Variants in CRNKL1 observed in about 807,000 individuals in gnomAD.
CRNKL1 encodes the protein crooked neck pre-mRNA splicing factor 1.
A neutral mutation model predicts 103.7 loss-of-function variants in CRNKL1; 35 were observed. The ratio of observed to expected loss-of-function variants is 0.34; its 90% CI spans 0.26 to 0.45. CRNKL1 has a LOEUF of 0.45. Among genes scored for constraint, CRNKL1 ranks in the 20% least tolerant of loss-of-function variants. The pLI is 1.00. For synonymous variants in CRNKL1, 267 were observed against 282.6 expected, an observed-to-expected ratio of 0.94 and a Z score of 0.55; for missense variants, 645 against 836.0, an observed-to-expected ratio of 0.77 and a Z score of 2.82.
intron 4 of CRNKL1, 146 bp downstream of exon 4, chr20:20,048,197 T>C: frequency 1.0e-6 from 1 of 993,674 alleles, no homozygotes; most frequent in Non-Finnish European, 1.5e-6. Flanking sequence ...GATTATGACT[T>C]AATAGACTAT....
upstream of CRNKL1, among the ~76,000 whole-genome samples, chr20:20,054,774 AG>A (rs1424390768): frequency 6.6e-6 from 1 of 152,222 alleles, no homozygotes; most frequent in Non-Finnish European, 1.5e-5. Flanking sequence ...TTTTATAGAC[AG>A]TCTGTCTTTT....
chr20:20,038,199 T>G, intron 12 of CRNKL1, 150 bp downstream of exon 12: 1 of 592,324 alleles, frequency 1.7e-6, no homozygotes, highest in Non-Finnish European at 3.0e-6. Flanking sequence ...TCCAAAGTCC[T>G]CTGAGACTCA....
chr20:20,038,998 G>A (rs2043467921), intron 11 of CRNKL1, among the ~76,000 whole-genome samples: 1 of 152,222 alleles, frequency 6.6e-6, no homozygotes, highest in African/African-American at 2.4e-5. Context: ...TGAACTCAGT[G>A]ATACCCAAAG....
chr20:20,051,752 TTTAA>T (rs370052730), intron 1 of CRNKL1, among the ~76,000 whole-genome samples: 534 of 152,278 alleles, frequency 3.5e-3, no homozygotes, highest in African/African-American at 0.012. Context: ...AAGTCTACTG[TTTAA>T]TTAACTTATG....
chr20:20,053,962 A>G (rs1406956956), upstream of CRNKL1, among the ~76,000 whole-genome samples: 1 of 120,538 alleles, frequency 8.3e-6, no homozygotes, highest in Non-Finnish European at 1.7e-5. Context: ...TCTCTCTTAC[A>G]TTTCTGTTGT....
upstream of CRNKL1, chr20:20,052,480 T>C (rs2043796024): frequency 6.2e-7 from 1 of 1,614,226 alleles, no homozygotes; most frequent in Non-Finnish European, 8.5e-7. Context: ...AGGACTGACC[T>C]TTGACCTCTC....
chr20:20,039,544 TG>T (rs1377952655), intron 11 of CRNKL1, 64 bp downstream of exon 11: 17 of 1,574,484 alleles, frequency 1.1e-5, no homozygotes, highest in Non-Finnish European at 1.4e-5. Context: ...CACATTTAGA[TG>T]GTCATCTAAA....
At chr20:20,052,943 T>G (rs1382760699), upstream of CRNKL1, among the ~76,000 whole-genome samples, 1 of 152,162 alleles carries the variant, frequency 6.6e-6, no homozygotes, top group East Asian at 1.9e-4. Context: ...CCCAAATAAT[T>G]AACTCTAAGG....
chr20:20,043,360 T>C (rs115116810), intron 7 of CRNKL1, 132 bp downstream of exon 7: 103 of 868,574 alleles, frequency 1.2e-4, no homozygotes, highest in Non-Finnish European at 1.6e-4. Flanking sequence ...TAGCTGCCAA[T>C]TGGATCACGG....
At chr20:20,051,539 T>C (rs1360310810) in intron 1 of CRNKL1, among the ~76,000 whole-genome samples, 1 of 152,218 alleles carries the variant, frequency 6.6e-6, no homozygotes, top group Non-Finnish European at 1.5e-5. Flanking sequence ...TCATATTTAA[T>C]AAGCACTAAG....
intron 6 of CRNKL1, among the ~76,000 whole-genome samples, chr20:20,044,314 C>G (rs1002010392): frequency 6.6e-6 from 1 of 152,152 alleles, no homozygotes; most frequent in East Asian, 1.9e-4. Context: ...CCCACTGGCC[C>G]GAACAGAATC....
rs193225692 is a variant in CRNKL1, at chr20:20,036,419, G to C, written c.1897-57C>G. 2.0e-4 allele frequency: 304 copies of C among 1,522,936 alleles called. 1 individual carries two copies. The highest frequency in any genetic ancestry group is 5.2e-4 in the Middle Eastern group (3 of 5,750). The allele number at this position is 1,522,936 out of a possible 1,614,324, so 94.3% of individuals were successfully genotyped here. On this transcript the variant is annotated intron_variant, in intron 13 of 13. Coordinates refer to ENST00000536226, the MANE Select transcript of CRNKL1 (RefSeq NM_001278628.2). ...ACGTGGGTGATATACTCACATATCA[G>C]AGTGAAGAATTTTTACTGGAAATCC... is the stretch of plus-strand genomic sequence containing the variant.
At chr20:20,039,886 G>T in intron 10 of CRNKL1, 38 bp from the exon 11 acceptor site, 1 of 1,605,604 alleles carries the variant, frequency 6.2e-7, no homozygotes. Flanking sequence ...TGATACTGTA[G>T]TGGATTTAAT....
In CRNKL1 at chr20:20,036,154, A is replaced by T; in HGVS notation, c.*41T>A. 1 of 1,592,876 alleles carries T rather than the reference A, an allele frequency of 6.3e-7. No homozygotes were observed. On this transcript the variant is annotated 3_prime_UTR_variant, in exon 14 of 14. Transcript: ENST00000536226. Reference sequence around the variant, plus strand: ...GGAGTCACAAGAGTTCCAAACAATTAATTTATAAAAATAACAAAACATTTG... The same window carrying T: ...GGAGTCACAAGAGTTCCAAACAATTTATTTATAAAAATAACAAAACATTTG...
Position 20,042,312 on chromosome 20 carries a change from T to C in CRNKL1, c.1164+13A>G. The C allele has an allele frequency of 2.5e-6, 4 of 1,578,228 alleles. No individual in the cohort carries two copies. Among genetic ancestry groups the C allele is most frequent in the Non-Finnish European group, 3.4e-6 (4 of 1,161,554 alleles). ...AAACCATTATCAGCTGACACATAAT[T>C]CTGTTTTTTCACCTTTGCCTCCAAT... On this transcript the variant is annotated intron_variant, in intron 8 of 13. Coordinates refer to ENST00000536226, the MANE Select transcript of CRNKL1 (RefSeq NM_001278628.2).
chr20:20,050,731 T>G, intron 1 of CRNKL1, 109 bp from the exon 2 acceptor site: 1 of 936,084 alleles, frequency 1.1e-6, no homozygotes, highest in Non-Finnish European at 1.5e-6. Context: ...TATCACAAGA[T>G]GCCCTTTTTG....
chr20:20,054,465 T>C (rs2044123055), upstream of CRNKL1, among the ~76,000 whole-genome samples: 1 of 152,142 alleles, frequency 6.6e-6, no homozygotes, highest in Non-Finnish European at 1.5e-5. Flanking sequence ...CATTAAACTT[T>C]ATATGTAGTT....
chr20:20,053,030 A>C (rs570457562), upstream of CRNKL1, among the ~76,000 whole-genome samples: 6 of 152,270 alleles, frequency 3.9e-5, no homozygotes, highest in South Asian at 1.2e-3. Context: ...CTGGAAAACA[A>C]CTCAGTCTTG....
chr20:20,055,436 C>A (rs2044235218), upstream of CRNKL1, among the ~76,000 whole-genome samples: 1 of 152,090 alleles, frequency 6.6e-6, no homozygotes, highest in African/African-American at 2.4e-5. Flanking sequence ...CCCTCACTTA[C>A]CGAGGGGCCC....
Sources: gnomAD v4.1 joint callset for allele counts (sites outside exome capture counted in the v4.1 genomes callset) on GRCh38, gnomAD v4.1.1 for gene constraint, MANE v1.5 for transcripts, NCBI Gene and HGNC (gene_info 2026-07-23, HGNC 2026-07-21) for gene names.